ST3GAL2: variants seen among roughly 807,000 people sequenced by gnomAD.
The protein encoded by ST3GAL2 is CMP-N-acetylneuraminate-beta-galactosamide-alpha-2,3-sialyltransferase 2.
In ST3GAL2, 16 loss-of-function variants were observed where a neutral mutation model predicts 37.5. The observed-to-expected ratio is 0.43, with a 90% CI of 0.29 to 0.65. The LOEUF (loss-of-function observed/expected upper bound fraction) is 0.65, where lower values mean the gene tolerates loss of function less well. Ranked by LOEUF, ST3GAL2 falls within the 30% of genes least tolerant of loss-of-function variation. The probability of loss-of-function intolerance (pLI) is 0.17; values close to 1 mark genes in which losing one functional copy is unlikely to be tolerated. For synonymous variants in ST3GAL2, 238 were observed against 202.9 expected (o/e 1.17, Z -1.47); for missense variants, 383 against 487.8 (o/e 0.79, Z 2.02).
intron 1 of ST3GAL2, among the ~76,000 whole-genome samples, chr16:70,408,404 G>GAGGGGT (rs2151668460): frequency 6.6e-6 from 1 of 152,164 alleles, no homozygotes; most frequent in Non-Finnish European, 1.5e-5. Flanking sequence ...AGCTGGGGCG[G>GAGGGGT]AGGGGTGGGG....
intron 1 of ST3GAL2, among the ~76,000 whole-genome samples, chr16:70,418,893 G>GC (rs1449946497): frequency 6.6e-6 from 1 of 152,228 alleles, no homozygotes; most frequent in East Asian, 1.9e-4. Flanking sequence ...TGGCAACAGA[G>GC]CCCCCCACAC....
chr16:70,383,327 G>A (rs945639158), intron 4 of ST3GAL2, 92 bp from the exon 5 acceptor site: 24 of 1,279,384 alleles, frequency 1.9e-5, no homozygotes, highest in Non-Finnish European at 2.4e-5. Flanking sequence ...GAGGCAGGTG[G>A]ATCACCTGAG....
intron 4 of ST3GAL2, among the ~76,000 whole-genome samples, chr16:70,387,307 C>T (rs1376808705): frequency 6.6e-6 from 1 of 152,070 alleles, no homozygotes; most frequent in African/African-American, 2.4e-5. Context: ...GTAATCTCAA[C>T]ACGATGGGAG....
At chr16:70,396,921 C>A in intron 2 of ST3GAL2, among the ~76,000 whole-genome samples, 1 of 152,056 alleles carries the variant, frequency 6.6e-6, no homozygotes, top group Non-Finnish European at 1.5e-5. Flanking sequence ...CAGCCCCACC[C>A]CTTCACCTCC....
intron 3 of ST3GAL2, 83 bp from the exon 4 acceptor site, chr16:70,388,629 A>G: frequency 6.8e-7 from 1 of 1,474,440 alleles, no homozygotes; most frequent in Non-Finnish European, 9.1e-7. Flanking sequence ...GAAGCCATCC[A>G]TCAAAAATGC....
intron 1 of ST3GAL2, among the ~76,000 whole-genome samples, chr16:70,407,079 AAT>A (rs370214628): frequency 3.9e-5 from 6 of 151,904 alleles, no homozygotes; most frequent in African/African-American, 1.4e-4. Context: ...CCAGATGTGA[AAT>A]AGTCTTCTAA....
intron 1 of ST3GAL2, among the ~76,000 whole-genome samples, chr16:70,401,585 C>G (rs1045052087): frequency 6.6e-6 from 1 of 152,176 alleles, no homozygotes; most frequent in Admixed American, 6.5e-5. Context: ...CTGGCAATGA[C>G]CCTCTCACAG....
chr16:70,424,776 A>G (rs1316176904), intron 1 of ST3GAL2, among the ~76,000 whole-genome samples: 5 of 152,166 alleles, frequency 3.3e-5, no homozygotes, highest in Non-Finnish European at 7.3e-5. Flanking sequence ...GCCTGTGGGT[A>G]TGACTGGCCA....
intron 1 of ST3GAL2, among the ~76,000 whole-genome samples, chr16:70,416,833 C>T (rs766771741): frequency 1.7e-4 from 26 of 152,076 alleles, no homozygotes; most frequent in South Asian, 8.3e-4. Context: ...GGTGCCTGGA[C>T]GACGGCAGGG....
At chr16:70,389,202 C>CCAAAAAA (rs2047464700) in intron 3 of ST3GAL2, among the ~76,000 whole-genome samples, 1 of 27,362 alleles carries the variant, frequency 3.7e-5, no homozygotes, top group Non-Finnish European at 6.7e-5. Context: ...CCCATCTCTA[C>CCAAAAAA]AAAAAAAAAA....
rs570053006 is a variant in ST3GAL2, at chr16:70,417,366, C to T, written c.-1003-17833G>A. 2.0e-4 allele frequency among the ~76,000 whole-genome samples: 30 copies of T among 152,100 alleles called. 1 individual carries two copies. In the East Asian group the frequency reaches 2.9e-3, roughly 15 times the overall value. Reference sequence around the variant, plus strand: ...CCTGGGGCCCCACTCCCAGCAGGCACCGGCCTCCAGGAAGGTTGCGGTTTC... The same window carrying T: ...CCTGGGGCCCCACTCCCAGCAGGCATCGGCCTCCAGGAAGGTTGCGGTTTC... On this transcript the variant is annotated intron_variant, in intron 1 of 6. Transcript: ENST00000342907.
At chr16:70,406,517 C>A (rs942502297) in intron 1 of ST3GAL2, among the ~76,000 whole-genome samples, 1 of 150,546 alleles carries the variant, frequency 6.6e-6, no homozygotes, top group Non-Finnish European at 1.5e-5. Context: ...CACAGTGGCT[C>A]ACAGCTGTGA....
chr16:70,390,993 C>CA (rs1460315234), intron 3 of ST3GAL2, among the ~76,000 whole-genome samples: 3 of 152,206 alleles, frequency 2.0e-5, no homozygotes, highest in Non-Finnish European at 2.9e-5. Flanking sequence ...GCCAGGGAAG[C>CA]AGGGAGCGCA....
At position 70,378,997 on chromosome 16, in the gene ST3GAL2, C is replaced by CAATA. The variant is rs934442480; in HGVS notation, c.*2688_*2691dup. The stretch of plus-strand genomic sequence containing the variant: ...TGGGTAACAGAACAAGACTCTGTCT[C>CAATA]AATAAATAAATAAATTAAATAAATA... On this transcript the variant is annotated 3_prime_UTR_variant, in exon 7 of 7. Coordinates refer to ENST00000342907, the MANE Select transcript of ST3GAL2 (RefSeq NM_006927.4). 1 of 152,156 alleles carries CAATA rather than the reference C, an allele frequency of 6.6e-6. No individual in the cohort carries two copies. Among genetic ancestry groups the CAATA allele is most frequent in the Non-Finnish European group, 1.5e-5 (1 of 68,076 alleles). The allele number at this position is 152,156 out of a possible 1,614,324, so 9.4% of individuals were successfully genotyped here. A position where few individuals can be genotyped will look rare whatever the true frequency, so the allele number is the denominator to read the frequency against.
intron 1 of ST3GAL2, among the ~76,000 whole-genome samples, chr16:70,426,380 C>T (rs999185157): frequency 9.9e-5 from 15 of 151,226 alleles, no homozygotes; most frequent in East Asian, 3.9e-4. Context: ...TTATATTTTT[C>T]GTAGACACGG....
At chr16:70,395,610 C>T (rs1368213751) in intron 2 of ST3GAL2, among the ~76,000 whole-genome samples, 1 of 152,216 alleles carries the variant, frequency 6.6e-6, no homozygotes, top group African/African-American at 2.4e-5. Flanking sequence ...TCCAGGGTGA[C>T]AGTCCAGCCA....
intron 1 of ST3GAL2, among the ~76,000 whole-genome samples, chr16:70,424,828 G>T (rs544675653): frequency 2.0e-5 from 3 of 152,238 alleles, no homozygotes; most frequent in African/African-American, 7.2e-5. Context: ...CCACATGATG[G>T]AAGGTGCCTG....
chr16:70,384,697 C>T, intron 4 of ST3GAL2, among the ~76,000 whole-genome samples: 1 of 125,446 alleles, frequency 8.0e-6, no homozygotes, highest in African/African-American at 2.9e-5. Flanking sequence ...CAGAGCGAAA[C>T]TCTGTCTCAA....
chr16:70,385,912 GC>G (rs1356765020), intron 4 of ST3GAL2, among the ~76,000 whole-genome samples: 1 of 151,856 alleles, frequency 6.6e-6, no homozygotes, highest in Admixed American at 6.6e-5. Context: ...TCGCCATGTT[GC>G]CCAAGGTGGT....
Sources: gnomAD v4.1 joint callset for allele counts (sites outside exome capture counted in the v4.1 genomes callset) on GRCh38, gnomAD v4.1.1 for gene constraint, MANE v1.5 for transcripts, NCBI Gene and HGNC (gene_info 2026-07-23, HGNC 2026-07-21) for gene names.